MTHFSD: variants seen among roughly 807,000 people sequenced by gnomAD.
MTHFSD encodes methenyltetrahydrofolate synthetase domain containing.
In MTHFSD, 37 loss-of-function variants were observed where a neutral mutation model predicts 31.1. The ratio of observed to expected loss-of-function variants is 1.19; its 90% CI spans 0.91 to 1.56. The LOEUF (loss-of-function observed/expected upper bound fraction) is 1.56. Among genes scored for constraint, MTHFSD ranks in the 40% most tolerant of loss-of-function variants. The pLI is 0.00. For synonymous variants in MTHFSD, 221 were observed against 206.9 expected (o/e 1.07, Z -0.59); for missense variants, 664 against 510.1 (o/e 1.30, Z -2.91).
intron 2 of MTHFSD, among the ~76,000 whole-genome samples, chr16:86,552,834 G>C (rs1313822181): frequency 2.0e-5 from 3 of 152,214 alleles, no homozygotes; most frequent in Non-Finnish European, 4.4e-5. Flanking sequence ...GAGAAGCCAG[G>C]CTTGGGGAGA....
intron 7 of MTHFSD, chr16:86,541,240 T>C (rs1971464077): frequency 7.8e-7 from 1 of 1,287,608 alleles, no homozygotes; most frequent in African/African-American, 1.5e-5. Context: ...TACAAAGGCT[T>C]GGTACTGCCT....
chr16:86,551,041 C>A (rs1004883566), intron 3 of MTHFSD, among the ~76,000 whole-genome samples: 6 of 152,230 alleles, frequency 3.9e-5, no homozygotes, highest in African/African-American at 1.4e-4. Flanking sequence ...CTCATGTTAT[C>A]AGCTGCGATT....
chr16:86,545,485 G>C (rs1190998685), intron 5 of MTHFSD, among the ~76,000 whole-genome samples: 1 of 152,066 alleles, frequency 6.6e-6, no homozygotes, highest in Non-Finnish European at 1.5e-5. Context: ...CCACCACCAA[G>C]AGCCCAAGTC....
In MTHFSD at chr16:86,532,308, T is replaced by C; in HGVS notation, c.855A>G (p.Pro285=). Residue 285 remains proline, a synonymous_variant, in exon 8 of 8, where the codon CCA becomes CCG. Transcript: ENST00000360900. ...GGGCTGCCTCCATGGAATTGGTTTC[T>C]GGTCCGGGTGTGTCCGGGGGCCTCC... ...VGRRPPDTPG[P]ETNSMEAAPG... 1.3e-6 allele frequency: 2 copies of C among 1,584,972 alleles called. No individual in the cohort carries two copies. The highest frequency in any genetic ancestry group is 2.3e-5 in the East Asian group (1 of 43,912).
intron 7 of MTHFSD, among the ~76,000 whole-genome samples, chr16:86,538,567 C>T (rs1432837878): frequency 6.6e-6 from 1 of 152,238 alleles, no homozygotes; most frequent in Non-Finnish European, 1.5e-5. Flanking sequence ...TCCAGGGCTT[C>T]AGCCATTTTC....
At position 86,554,754 on chromosome 16, in the gene MTHFSD, G is replaced by A. The variant is rs371106721; in HGVS notation, c.17-3C>T. The A allele has an allele frequency of 3.7e-6, 6 of 1,607,670 alleles. No homozygotes were observed. The African/African-American group carries it at 5.4e-5, about 14-fold the overall frequency. On this transcript the variant is annotated splice_region_variant and splice_polypyrimidine_tract_variant and intron_variant, in intron 1 of 7. Transcript: ENST00000360900. Reference sequence around the variant, plus strand: ...TATGTCCTGTTTGGAGACACCTACTGCAACAAAAGATTCCCACTTAATAAC... The same window carrying A: ...TATGTCCTGTTTGGAGACACCTACTACAACAAAAGATTCCCACTTAATAAC...
chr16:86,550,122 T>C (rs1209680959), intron 3 of MTHFSD, among the ~76,000 whole-genome samples: 1 of 152,248 alleles, frequency 6.6e-6, no homozygotes, highest in Non-Finnish European at 1.5e-5. Flanking sequence ...CATGTCACCA[T>C]TGCCTGCCCA....
chr16:86,554,314 C>T lies in MTHFSD; in HGVS notation c.123+331G>A, dbSNP rs1973712510. Among the ~76,000 whole-genome samples the T allele has an allele frequency of 3.3e-5, 5 of 152,200 alleles. 1 individual carries two copies. Among genetic ancestry groups the T allele is most frequent in the Admixed American group, 2.6e-4 (4 of 15,284 alleles). The stretch of plus-strand genomic sequence containing the variant: ...ACATCCAAACATCAGAAGGAACAAA[C>T]TCCAGACACGCTGCCTTTAAAAACT... On this transcript the variant is annotated intron_variant, in intron 2 of 7. Coordinates refer to ENST00000360900, the MANE Select transcript of MTHFSD (RefSeq NM_001159377.2).
At chr16:86,548,427 T>C in intron 4 of MTHFSD, 37 bp downstream of exon 4, 1 of 1,531,502 alleles carries the variant, frequency 6.5e-7, no homozygotes, top group South Asian at 1.1e-5. Flanking sequence ...CAGGGTACAG[T>C]TCTTTCCTAG....
At position 86,545,403 on chromosome 16, in the gene MTHFSD, G is replaced by A. The variant is rs150542695; in HGVS notation, c.442+1156C>T. 6.8e-4 allele frequency among the ~76,000 whole-genome samples: 104 copies of A among 152,186 alleles called. 1 individual carries two copies. Among genetic ancestry groups the A allele is most frequent in the African/African-American group, 2.4e-3 (98 of 41,522 alleles). On this transcript the variant is annotated intron_variant, in intron 5 of 7. Coordinates refer to ENST00000360900, the MANE Select transcript of MTHFSD (RefSeq NM_001159377.2). Reference sequence around the variant, plus strand: ...GGGTTAGCTAAACGATGAAACTTACGAAGTGTTACTTTCTTCTTTATACAT... The same window carrying A: ...GGGTTAGCTAAACGATGAAACTTACAAAGTGTTACTTTCTTCTTTATACAT...
In MTHFSD at chr16:86,551,294, G is replaced by A. The variant is rs547969519; in HGVS notation, c.237+739C>T. 3.3e-5 allele frequency among the ~76,000 whole-genome samples: 5 copies of A among 152,258 alleles called. No homozygotes were observed. In the South Asian group the frequency reaches 6.2e-4, roughly 19 times the overall value. ...GTTTTCCTTGAAAAGGGGCCTGTAT[G>A]TTTTCAGTTGAGGAACAAGTGCTCT... On this transcript the variant is annotated intron_variant, in intron 3 of 7. Transcript: ENST00000360900.
intron 7 of MTHFSD, among the ~76,000 whole-genome samples, chr16:86,538,334 G>C (rs1362223926): frequency 2.0e-5 from 3 of 152,232 alleles, no homozygotes; most frequent in African/African-American, 7.2e-5. Flanking sequence ...GGCGGCGGCA[G>C]TGGCAGACCC....
At position 86,542,202 on chromosome 16, in the gene MTHFSD, C is replaced by T. The variant is rs549016339; in HGVS notation, c.454G>A (p.Gly152Arg). 2.7e-5 allele frequency: 43 copies of T among 1,613,424 alleles called. 1 individual carries two copies. In the Admixed American group the frequency reaches 4.2e-4, roughly 16 times the overall value. The stretch of plus-strand genomic sequence containing the variant: ...AGATCGGCGTAGCCTTCTCCCTTCC[C>T]GATTCTCCAGCCTAAGAGACAACCG... ...VAVSEKGWRI[G>R]KGEGYADLEY... The change falls in exon 6 of 8, where the codon GGG becomes AGG. Residue 152 changes from glycine (G) to arginine (R), a missense_variant. Coordinates refer to ENST00000360900, the MANE Select transcript of MTHFSD (RefSeq NM_001159377.2). The surrounding 1 kb of genome is among the most constrained non-coding windows in gnomAD (Gnocchi z 4.6).
At chr16:86,534,461 G>C (rs1970402929) in intron 7 of MTHFSD, among the ~76,000 whole-genome samples, 1 of 152,200 alleles carries the variant, frequency 6.6e-6, no homozygotes, top group Non-Finnish European at 1.5e-5. Context: ...TTCTGCCATA[G>C]GGAAGCTTGA....
intron 5 of MTHFSD, among the ~76,000 whole-genome samples, chr16:86,545,807 G>A (rs1255405572): frequency 6.6e-6 from 1 of 152,220 alleles, no homozygotes; most frequent in African/African-American, 2.4e-5. Flanking sequence ...CACAGCAGGT[G>A]TAGCAGGTAT....
intron 3 of MTHFSD, among the ~76,000 whole-genome samples, chr16:86,551,649 G>T (rs182766696): frequency 4.7e-4 from 71 of 152,300 alleles, no homozygotes; most frequent in African/African-American, 1.6e-3. Context: ...ATGATTCTGT[G>T]TTCAGCAAGC....
Position 86,531,968 on chromosome 16 carries a change from G to C in MTHFSD, c.*43C>G. 7.6e-7 allele frequency: 1 copy of C among 1,317,636 alleles called. No individual in the cohort carries two copies. The highest frequency in any genetic ancestry group is 9.9e-7 in the Non-Finnish European group (1 of 1,010,990). The allele number at this position is 1,317,636 out of a possible 1,614,324, so 81.6% of individuals were successfully genotyped here. ...CATCGGAACCGGAGCGGCAGGGGAC[G>C]GGGATGGCGAGTCTGCAGTGAGCTC... On this transcript the variant is annotated 3_prime_UTR_variant, in exon 8 of 8. Transcript: ENST00000360900. This position sits in a 1 kb window ranked among gnomAD's most constrained non-coding sequence, Gnocchi z 5.5.
chr16:86,551,595 T>A (rs1005728166), intron 3 of MTHFSD, among the ~76,000 whole-genome samples: 1 of 152,228 alleles, frequency 6.6e-6, no homozygotes, highest in Non-Finnish European at 1.5e-5. Flanking sequence ...GTGGTCTTTA[T>A]AGTATCAGAA....
chr16:86,548,658 G>A, intron 3 of MTHFSD, 81 bp from the exon 4 acceptor site: 2 of 1,131,300 alleles, frequency 1.8e-6, no homozygotes, highest in Non-Finnish European at 2.5e-6. Context: ...TACCATTTCA[G>A]GAGAAGAGGC....
Sources: allele counts gnomAD v4.1 joint callset (sites outside exome capture counted in the v4.1 genomes callset), GRCh38; gene constraint gnomAD v4.1.1; non-coding constraint Gnocchi (gnomAD v3.1); transcripts MANE v1.5; gene names NCBI Gene and HGNC (gene_info 2026-07-23, HGNC 2026-07-21).